Variants in VPS50 observed in about 807,000 individuals in gnomAD.
VPS50 encodes the protein VPS50 subunit of EARP/GARPII complex.
In VPS50, 70 loss-of-function variants were observed where a neutral mutation model predicts 139.7. The observed-to-expected ratio is 0.50, with a 90% CI of 0.41 to 0.61. The LOEUF is 0.61. VPS50 is among the 20% of genes least tolerant of loss of function. The pLI, the probability that VPS50 is intolerant of heterozygous loss-of-function variation, is 0.00. For missense variants in VPS50, 921 were observed against 1,133.7 expected, an observed-to-expected ratio of 0.81 and a Z score of 2.69; for synonymous variants, 365 against 376.7, an observed-to-expected ratio of 0.97 and a Z score of 0.36.
At chr7:93,271,178 G>C (rs1795996382) in intron 9 of VPS50, 42 bp from the exon 10 acceptor site, 1 of 1,538,732 alleles carries the variant, frequency 6.5e-7, no homozygotes, top group East Asian at 2.4e-5. Flanking sequence ...CACTTAGTTT[G>C]TCTCAGAAAT....
chr7:93,303,598 T>G, intron 17 of VPS50, 48 bp downstream of exon 17: 1 of 795,964 alleles, frequency 1.3e-6, no homozygotes, highest in South Asian at 1.9e-5. Context: ...GTAATGTATT[T>G]TACCCTTTTT....
At chr7:93,317,909 A>G (rs1228835517) in intron 20 of VPS50, among the ~76,000 whole-genome samples, 3 of 152,300 alleles carry the variant, frequency 2.0e-5, no homozygotes, top group East Asian at 1.9e-4. Flanking sequence ...TTACAGAAGT[A>G]TCACAATACT....
intron 12 of VPS50, among the ~76,000 whole-genome samples, chr7:93,285,949 A>G (rs768766569): frequency 1.3e-5 from 2 of 152,082 alleles, no homozygotes; most frequent in Non-Finnish European, 2.9e-5. Flanking sequence ...TTAGACATGT[A>G]TGTTGTCTCT....
intron 2 of VPS50, among the ~76,000 whole-genome samples, chr7:93,241,361 GCCA>G (rs1794984955): frequency 6.6e-6 from 1 of 152,102 alleles, no homozygotes; most frequent in South Asian, 2.1e-4. Context: ...GGGTGGAGTG[GCCA>G]GTCTGGGATC....
At chr7:93,300,879 T>G (rs189945107) in intron 16 of VPS50, among the ~76,000 whole-genome samples, 15 of 152,192 alleles carry the variant, frequency 9.9e-5, no homozygotes, top group Non-Finnish European at 1.6e-4. Flanking sequence ...ATATTTAACA[T>G]TTTTAGATAT....
rs1794927872 is a variant in VPS50 at position 93,239,869 on chromosome 7, C to A, written c.37C>A (p.Leu13Met). 2.5e-6 allele frequency: 4 copies of A among 1,590,538 alleles called. No individual in the cohort carries two copies. Among genetic ancestry groups the A allele is most frequent in the South Asian group, 1.1e-5 (1 of 90,572 alleles). Residue 13 changes from leucine (L) to methionine (M), a missense_variant, in exon 2 of 28, where the codon CTG becomes ATG. Transcript: ENST00000305866. ...CTCATCTTATTATTTTTTTAAGGGT[C>A]TGAAAAGCCCTCAAGAAAGCCTCAG... The part of the protein sequence containing the change: ...KIKSLMTRQG[L>M]KSPQESLSDL...
At chr7:93,247,700 G>A (rs754830303) in intron 2 of VPS50, among the ~76,000 whole-genome samples, 10 of 151,778 alleles carry the variant, frequency 6.6e-5, no homozygotes, top group East Asian at 3.8e-4. Context: ...ACTCATTTTC[G>A]TTCCTGTATG....
intron 21 of VPS50, among the ~76,000 whole-genome samples, chr7:93,329,279 A>T (rs550559378): frequency 2.6e-5 from 4 of 152,336 alleles, no homozygotes; most frequent in Admixed American, 2.6e-4. Flanking sequence ...CCAAAGGGAA[A>T]TCCTAGAAAT....
intron 4 of VPS50, 90 bp downstream of exon 4, chr7:93,254,021 C>A: frequency 1.7e-6 from 1 of 599,310 alleles, no homozygotes; most frequent in South Asian, 2.8e-5. Flanking sequence ...ATGGTTTTAA[C>A]TAACAATTAA....
chr7:93,300,390 A>G (rs1273957013), intron 16 of VPS50, among the ~76,000 whole-genome samples: 1 of 152,114 alleles, frequency 6.6e-6, no homozygotes, highest in Non-Finnish European at 1.5e-5. Context: ...ACAAGAGGAC[A>G]TTATAAAAGG....
At position 93,259,639 on chromosome 7, in the gene VPS50, T is replaced by A; in HGVS notation, c.659+7T>A. 1 of 1,501,428 alleles carries A rather than the reference T, an allele frequency of 6.7e-7. No individual in the cohort carries two copies. The highest frequency in any genetic ancestry group is 9.3e-7 in the Non-Finnish European group (1 of 1,079,678). 93.0% of individuals were successfully genotyped at this position (1,501,428 alleles called of 1,614,324 possible). ...AACATTACAGTTGTATAAGGTAAGG[T>A]CATGTAAATGTTTTAAAGCAGATTC... On this transcript the variant is annotated splice_region_variant and intron_variant, in intron 9 of 27. Coordinates refer to ENST00000305866, the MANE Select transcript of VPS50 (RefSeq NM_017667.4).
intron 9 of VPS50, among the ~76,000 whole-genome samples, chr7:93,259,878 A>G (rs1391348194): frequency 1.3e-5 from 2 of 152,110 alleles, no homozygotes; most frequent in East Asian, 3.8e-4. Context: ...ATTTTTTCCA[A>G]TCCAACTGAT....
intron 13 of VPS50, among the ~76,000 whole-genome samples, chr7:93,294,251 A>G (rs1796736770): frequency 6.6e-6 from 1 of 152,142 alleles, no homozygotes; most frequent in Non-Finnish European, 1.5e-5. Context: ...AGTAGGCAGT[A>G]TTGAGAACCT....
intron 1 of VPS50, among the ~76,000 whole-genome samples, chr7:93,236,996 G>A (rs1328503331): frequency 8.1e-6 from 1 of 123,474 alleles, no homozygotes; most frequent in African/African-American, 3.3e-5. Context: ...TGTCGCCCAG[G>A]CTGGAGTGCA....
intron 12 of VPS50, 112 bp downstream of exon 12, chr7:93,276,417 C>G: frequency 7.4e-7 from 1 of 1,342,646 alleles, no homozygotes; most frequent in Non-Finnish European, 9.7e-7. Context: ...AAAAATAAAT[C>G]TTTGCCAAAA....
intron 13 of VPS50, among the ~76,000 whole-genome samples, chr7:93,292,940 C>T (rs181149642): frequency 2.6e-4 from 40 of 152,248 alleles, no homozygotes; most frequent in Admixed American, 6.5e-4. Context: ...CCCTGTACTA[C>T]CCCTGGGACC....
intron 9 of VPS50, among the ~76,000 whole-genome samples, chr7:93,267,042 A>G (rs1795863362): frequency 6.6e-6 from 1 of 152,240 alleles, no homozygotes; most frequent in South Asian, 2.1e-4. Context: ...TAACAGCCAT[A>G]AAAACATCTA....
At chr7:93,328,326 C>T (rs1007370223) in intron 21 of VPS50, among the ~76,000 whole-genome samples, 2 of 152,104 alleles carry the variant, frequency 1.3e-5, no homozygotes, top group Non-Finnish European at 2.9e-5. Flanking sequence ...ATTTGCCATC[C>T]CAGTAAATCT....
rs563162825 is a variant in VPS50, at chr7:93,358,715, G to T, written c.*279G>T. ...GACTACAGTTATACATTTTACAGAA[G>T]AATGTACCATAAGTATATAATTAGA... On this transcript the variant is annotated 3_prime_UTR_variant, in exon 28 of 28. Transcript: ENST00000305866. 2.8e-5 allele frequency: 7 copies of T among 253,404 alleles called. No individual in the cohort carries two copies. The highest frequency in any genetic ancestry group is 5.4e-5 in the Non-Finnish European group (7 of 129,040). The allele number at this position is 253,404 out of a possible 1,614,324, so 15.7% of individuals were successfully genotyped here. A position where few individuals can be genotyped will look rare whatever the true frequency, so the allele number is the denominator to read the frequency against.
Sources: allele counts gnomAD v4.1 joint callset (sites outside exome capture counted in the v4.1 genomes callset), GRCh38; gene constraint gnomAD v4.1.1; transcripts MANE v1.5; gene names NCBI Gene and HGNC (gene_info 2026-07-23, HGNC 2026-07-21).